FARS2: variants seen among roughly 807,000 people sequenced by gnomAD.
The protein encoded by FARS2 is phenylalanyl-tRNA synthetase 2, mitochondrial.
FARS2 carries 40 observed loss-of-function variants against 46.4 expected under a neutral mutation model. The observed-to-expected ratio is 0.86, with a 90% CI of 0.67 to 1.12. FARS2 has a LOEUF of 1.12. Ranked by LOEUF, FARS2 falls within the 50% of genes most tolerant of loss-of-function variation. The pLI is 0.00. For synonymous variants in FARS2, 234 were observed against 214.9 expected, an observed-to-expected ratio of 1.09 and a Z score of -0.78; for missense variants, 513 against 567.9, an observed-to-expected ratio of 0.90 and a Z score of 0.98.
chr6:5,410,710 T>C (rs1164090157), intron 3 of FARS2, among the ~76,000 whole-genome samples: 2 of 152,234 alleles, frequency 1.3e-5, no homozygotes, highest in Non-Finnish European at 2.9e-5. Context: ...AAGGAGTTTT[T>C]TCTTTTGACG....
intron 4 of FARS2, among the ~76,000 whole-genome samples, chr6:5,499,782 CT>C (rs1767681804): frequency 6.6e-6 from 1 of 152,130 alleles, no homozygotes; most frequent in African/African-American, 2.4e-5. Flanking sequence ...GCCAGAATAT[CT>C]TTGATGAGAT....
At chr6:5,533,554 A>G (rs1769994278) in intron 4 of FARS2, among the ~76,000 whole-genome samples, 1 of 152,234 alleles carries the variant, frequency 6.6e-6, no homozygotes, top group Non-Finnish European at 1.5e-5. Context: ...ATCAGTGACG[A>G]AAACCAGTGA....
intron 1 of FARS2, among the ~76,000 whole-genome samples, chr6:5,328,356 A>G (rs1770545268): frequency 6.6e-6 from 1 of 152,172 alleles, no homozygotes; most frequent in Non-Finnish European, 1.5e-5. Flanking sequence ...ATGCTCTCCC[A>G]TGAGTTTTAA....
chr6:5,399,686 T>C (rs1482213877), intron 2 of FARS2, among the ~76,000 whole-genome samples: 2 of 152,172 alleles, frequency 1.3e-5, no homozygotes, highest in Non-Finnish European at 2.9e-5. Flanking sequence ...AGATGATTCA[T>C]GTGTATTTTA....
intron 4 of FARS2, among the ~76,000 whole-genome samples, chr6:5,514,831 A>G (rs1201629053): frequency 6.6e-6 from 1 of 151,906 alleles, no homozygotes; most frequent in Non-Finnish European, 1.5e-5. Flanking sequence ...CAGTGGCATG[A>G]ACATGGCTCA....
chr6:5,570,433 G>A (rs889037659), intron 5 of FARS2, among the ~76,000 whole-genome samples: 3 of 152,114 alleles, frequency 2.0e-5, no homozygotes, highest in African/African-American at 7.2e-5. Flanking sequence ...ACTCTTCTGG[G>A]CTTAAATTTG....
chr6:5,394,450 G>A (rs754038222), intron 2 of FARS2, among the ~76,000 whole-genome samples: 10 of 152,094 alleles, frequency 6.6e-5, no homozygotes, highest in Non-Finnish European at 8.8e-5. Context: ...CTAGGTTTGC[G>A]TGACTACACT....
chr6:5,689,041 G>A (rs1757476479), intron 6 of FARS2, among the ~76,000 whole-genome samples: 2 of 152,120 alleles, frequency 1.3e-5, no homozygotes, highest in South Asian at 4.2e-4. Flanking sequence ...TGGGATCAGT[G>A]GTGATATCCC....
intron 5 of FARS2, among the ~76,000 whole-genome samples, chr6:5,550,147 G>T (rs1771284804): frequency 6.6e-6 from 1 of 152,146 alleles, no homozygotes; most frequent in Non-Finnish European, 1.5e-5. Context: ...AGAAGAAAAA[G>T]AATCACTGGT....
At chr6:5,405,694 G>A (rs1300555503) in intron 3 of FARS2, among the ~76,000 whole-genome samples, 2 of 151,636 alleles carry the variant, frequency 1.3e-5, no homozygotes, top group African/African-American at 2.4e-5. Context: ...GGGTTTCACC[G>A]TGTTTGCCAA....
chr6:5,596,185 G>A (rs1774188063), intron 5 of FARS2, among the ~76,000 whole-genome samples: 1 of 152,152 alleles, frequency 6.6e-6, no homozygotes, highest in Admixed American at 6.5e-5. Flanking sequence ...CATATTCAGG[G>A]AGGCCGTCAG....
intron 2 of FARS2, among the ~76,000 whole-genome samples, chr6:5,375,597 C>G (rs1374372208): frequency 6.6e-6 from 1 of 152,020 alleles, no homozygotes; most frequent in Non-Finnish European, 1.5e-5. Context: ...GGTATTAAGA[C>G]TTATACTTGT....
rs569270292 is a variant in FARS2 at position 5,568,980 on chromosome 6, G to A, written c.1065+23640G>A. On this transcript the variant is annotated intron_variant, in intron 5 of 6. Transcript: ENST00000274680. ...GAGGCAGAGGCAGAGTGACCCTATGGCTTAACACCTAAATTGGGGTCTGGC... is the reference window on the plus strand; with the variant it reads ...GAGGCAGAGGCAGAGTGACCCTATGACTTAACACCTAAATTGGGGTCTGGC... Among the ~76,000 whole-genome samples the A allele has an allele frequency of 3.3e-5, 5 of 152,074 alleles. No homozygotes were observed. The East Asian group carries it at 9.7e-4, about 29-fold the overall frequency.
chr6:5,421,078 C>T (rs1285093105), intron 3 of FARS2, among the ~76,000 whole-genome samples: 1 of 152,220 alleles, frequency 6.6e-6, no homozygotes, highest in East Asian at 1.9e-4. Flanking sequence ...CTACAGCAAA[C>T]TTCTGCCTGG....
intron 1 of FARS2, among the ~76,000 whole-genome samples, chr6:5,302,254 T>C (rs1768369755): frequency 6.6e-6 from 1 of 152,196 alleles, no homozygotes. Context: ...CAAAACATGT[T>C]AAGATTCAGA....
chr6:5,376,753 T>C (rs542399954), intron 2 of FARS2, among the ~76,000 whole-genome samples: 4 of 152,324 alleles, frequency 2.6e-5, no homozygotes, highest in Admixed American at 2.6e-4. Flanking sequence ...AACAAAAACA[T>C]GCCCGACAAT....
intron 6 of FARS2, among the ~76,000 whole-genome samples, chr6:5,676,942 A>G (rs978895737): frequency 6.6e-6 from 1 of 152,232 alleles, no homozygotes. Context: ...AGAAAACCAC[A>G]GAGTATAGTC....
At chr6:5,511,193 A>G (rs905462734) in intron 4 of FARS2, among the ~76,000 whole-genome samples, 10 of 152,256 alleles carry the variant, frequency 6.6e-5, no homozygotes, top group African/African-American at 2.4e-4. Flanking sequence ...ATAGATGCCA[A>G]GATGAAGATT....
intron 1 of FARS2, among the ~76,000 whole-genome samples, chr6:5,264,303 C>G (rs1468677170): frequency 6.6e-6 from 1 of 152,094 alleles, no homozygotes. Flanking sequence ...CTACACCACA[C>G]ATGAATCCAA....
Sources: gnomAD v4.1 joint callset for allele counts (sites outside exome capture counted in the v4.1 genomes callset) on GRCh38, gnomAD v4.1.1 for gene constraint, MANE v1.5 for transcripts, NCBI Gene and HGNC (gene_info 2026-07-23, HGNC 2026-07-21) for gene names.